Variants in ANKH observed in about 807,000 individuals in gnomAD.
ANKH encodes mineralization regulator ANKH.
Under a neutral mutation model 49.0 loss-of-function variants are expected in ANKH, and 15 were observed. The ratio of observed to expected loss-of-function variants is 0.31; its 90% CI spans 0.20 to 0.47. The LOEUF is 0.47. ANKH is among the 20% of genes least tolerant of loss of function. The pLI, the probability that ANKH is intolerant of heterozygous loss-of-function variation, is 1.00. For missense variants in ANKH, 429 were observed against 652.0 expected (o/e 0.66, Z 3.72); for synonymous variants, 273 against 260.0 (o/e 1.05, Z -0.48).
rs1579994387 is a variant in ANKH at position 14,710,732 on chromosome 5, G to C, written c.*465C>G. The C allele has an allele frequency of 5.0e-6, 1 of 201,058 alleles. No individual in the cohort carries two copies. Among genetic ancestry groups the C allele is most frequent in the Admixed American group, 5.3e-5 (1 of 18,716 alleles). The allele number at this position is 201,058 out of a possible 1,614,324, so 12.5% of individuals were successfully genotyped here. A position where few individuals can be genotyped will look rare whatever the true frequency, so the allele number is the denominator to read the frequency against. On this transcript the variant is annotated 3_prime_UTR_variant, in exon 12 of 12. Transcript: ENST00000284268. ...CACCGGGGCTCCATCTCTTTGTACG[G>C]CCATGTGACTGGGAAGCAAATCAAA...
At chr5:14,815,141 AAAGT>A (rs1320547765) in intron 1 of ANKH, among the ~76,000 whole-genome samples, 10 of 152,192 alleles carry the variant, frequency 6.6e-5, no homozygotes, top group African/African-American at 2.4e-4. Flanking sequence ...GCTTTCTAGA[AAAGT>A]AAGTGAACAT....
Position 14,737,689 on chromosome 5 carries a change from C to G in ANKH, c.1011+4138G>C, listed in dbSNP as rs540437834. 2.2e-4 allele frequency among the ~76,000 whole-genome samples: 34 copies of G among 152,364 alleles called. No individual in the cohort carries two copies. Among genetic ancestry groups the G allele is most frequent in the Non-Finnish European group, 3.8e-4 (26 of 68,028 alleles). On this transcript the variant is annotated intron_variant, in intron 8 of 11. Transcript: ENST00000284268. The surrounding 1 kb of genome is among the most constrained non-coding windows in gnomAD (Gnocchi z 5.0). Reference sequence around the variant, plus strand: ...CCACGTGAAAGCAGACCCTCTGAAGCTGTTCTTCCAAATGGCTTTATGCCA... The same window carrying G: ...CCACGTGAAAGCAGACCCTCTGAAGGTGTTCTTCCAAATGGCTTTATGCCA...
intron 1 of ANKH, among the ~76,000 whole-genome samples, chr5:14,799,838 A>G (rs1740516522): frequency 1.3e-5 from 2 of 152,202 alleles, no homozygotes; most frequent in Non-Finnish European, 2.9e-5. Context: ...CGGTCCACGG[A>G]TCAAGGAGTA....
In ANKH at chr5:14,783,235, T is replaced by C. The variant is rs1739863339; in HGVS notation, c.97-14044A>G. Among the ~76,000 whole-genome samples the C allele has an allele frequency of 1.3e-5, 2 of 151,674 alleles. 1 individual carries two copies. Among genetic ancestry groups the C allele is most frequent in the South Asian group, 4.2e-4 (2 of 4,804 alleles). Reference sequence around the variant, plus strand: ...TGTTAGGAATCAGTAACACTGCCTATAACTATCAGGACAAGAGAAGACACT... The same window carrying C: ...TGTTAGGAATCAGTAACACTGCCTACAACTATCAGGACAAGAGAAGACACT... On this transcript the variant is annotated intron_variant, in intron 1 of 11. Transcript: ENST00000284268.
At chr5:14,739,875 G>C (rs1326194569) in intron 8 of ANKH, among the ~76,000 whole-genome samples, 1 of 152,214 alleles carries the variant, frequency 6.6e-6, no homozygotes, top group East Asian at 1.9e-4. Context: ...AATTTACCCT[G>C]AGAAACTTCA....
intron 8 of ANKH, 193 bp downstream of exon 8, chr5:14,741,634 T>G (rs1382623110): frequency 6.9e-6 from 4 of 576,896 alleles, no homozygotes; most frequent in Non-Finnish European, 1.2e-5. Flanking sequence ...AGTGGGTCCT[T>G]TATTCCTAGA....
chr5:14,767,128 C>A (rs1407087947), intron 2 of ANKH, among the ~76,000 whole-genome samples: 1 of 152,112 alleles, frequency 6.6e-6, no homozygotes, highest in Non-Finnish European at 1.5e-5. Flanking sequence ...GAGCAACATC[C>A]CATCATGGAG....
chr5:14,845,426 G>C (rs1296445844), intron 1 of ANKH, among the ~76,000 whole-genome samples: 2 of 151,654 alleles, frequency 1.3e-5, no homozygotes, highest in African/African-American at 4.8e-5. Context: ...ATAAATTAAA[G>C]AAAATGGTAA....
rs113530517 is a variant in ANKH at position 14,796,858 on chromosome 5, T to C, written c.97-27667A>G. 4.0e-3 allele frequency among the ~76,000 whole-genome samples: 603 copies of C among 152,282 alleles called. 4 individuals carry two copies. Among genetic ancestry groups the C allele is most frequent in the African/African-American group, 0.014 (572 of 41,546 alleles). On this transcript the variant is annotated intron_variant, in intron 1 of 11. Coordinates refer to ENST00000284268, the MANE Select transcript of ANKH (RefSeq NM_054027.6). ...GCATAAGAAGAAAAATAATCACACA[T>C]AATATTCCCCTTTCTGTAGCTACTT... is the stretch of plus-strand genomic sequence containing the variant.
chr5:14,857,908 G>A (rs973821907), intron 1 of ANKH, among the ~76,000 whole-genome samples: 6 of 152,156 alleles, frequency 3.9e-5, no homozygotes, highest in Non-Finnish European at 8.8e-5. Context: ...GGGGTGTGGG[G>A]CCGCTCTGCA....
intron 1 of ANKH, among the ~76,000 whole-genome samples, chr5:14,839,988 T>A (rs1437992860): frequency 6.6e-6 from 1 of 152,214 alleles, no homozygotes; most frequent in Non-Finnish European, 1.5e-5. Context: ...GCTGACCTTG[T>A]CCAAGACACT....
rs1740599477 is a variant in ANKH, at chr5:14,802,688, C to T, written c.97-33497G>A. Among the ~76,000 whole-genome samples the T allele has an allele frequency of 2.0e-5, 3 of 152,034 alleles. No individual in the cohort carries two copies. The South Asian group carries it at 6.2e-4, about 32-fold the overall frequency. ...CCTTGAGAGCTACAGATTCTTCCCT[C>T]CCCCTCAGCCATCCCATTCTCCCTC... On this transcript the variant is annotated intron_variant, in intron 1 of 11. Coordinates refer to ENST00000284268, the MANE Select transcript of ANKH (RefSeq NM_054027.6).
rs1275313554 is a variant in ANKH, at chr5:14,871,528, G to T, written c.-81C>A. 5 of 905,216 alleles carry T rather than the reference G, an allele frequency of 5.5e-6. No individual in the cohort carries two copies. Among genetic ancestry groups the T allele is most frequent in the African/African-American group, 1.8e-5 (1 of 56,580 alleles). 56.1% of individuals were successfully genotyped at this position (905,216 alleles called of 1,614,324 possible). On this transcript the variant is annotated 5_prime_UTR_variant, in exon 1 of 12. Coordinates refer to ENST00000284268, the MANE Select transcript of ANKH (RefSeq NM_054027.6). ...GGGAGGCGAGGGGCGACGGGGCGAC[G>T]GGGCGAGCGGGGCGCGGGCCGACAG...
intron 3 of ANKH, among the ~76,000 whole-genome samples, chr5:14,757,570 T>C (rs113280098): frequency 0.011 from 1,665 of 151,804 alleles, 26 homozygotes; most frequent in African/African-American, 0.038. Context: ...TGGGGTGAAG[T>C]TGGTTATTAA....
Position 14,721,895 on chromosome 5 carries a change from A to C in ANKH, c.1012-5060T>G, listed in dbSNP as rs25985. On this transcript the variant is annotated intron_variant, in intron 8 of 11. Transcript: ENST00000284268. The stretch of plus-strand genomic sequence containing the variant: ...CAGTGAGCTGAGATCATGCCACTGC[A>C]CTCCAGCCTGGGCGACAGAGCGAGA... Among the ~76,000 whole-genome samples the C allele has an allele frequency of 6.1e-3, 767 of 125,710 alleles. 6 individuals carry two copies. The highest frequency in any genetic ancestry group is 5.7e-3 in the Non-Finnish European group (368 of 64,270). The allele number at this position is 125,710 out of a possible 152,430, so 82.5% of individuals were successfully genotyped here. A position where few individuals can be genotyped will look rare whatever the true frequency, so the allele number is the denominator to read the frequency against.
At chr5:14,771,835 A>G (rs1044889091) in intron 1 of ANKH, among the ~76,000 whole-genome samples, 1 of 148,824 alleles carries the variant, frequency 6.7e-6, no homozygotes, top group African/African-American at 2.5e-5. Context: ...AGTCACTTGA[A>G]CCCGGGAGGT....
intron 1 of ANKH, among the ~76,000 whole-genome samples, chr5:14,792,198 G>A (rs1450471192): frequency 2.0e-5 from 3 of 152,184 alleles, no homozygotes; most frequent in Non-Finnish European, 4.4e-5. Flanking sequence ...ATTAGGTCAG[G>A]TGTCTAGAGT....
chr5:14,735,018 C>T (rs994856681), intron 8 of ANKH, among the ~76,000 whole-genome samples: 68 of 152,102 alleles, frequency 4.5e-4, no homozygotes, highest in African/African-American at 1.6e-3. Context: ...TCTGCAAAGA[C>T]CTTGTTGAGG....
rs1263250118 is a variant in ANKH at position 14,710,275 on chromosome 5, G to GT, written c.*921dup. 6.6e-6 allele frequency: 1 copy of GT among 152,208 alleles called. No homozygotes were observed. The highest frequency in any genetic ancestry group is 2.4e-5 in the African/African-American group (1 of 41,458). 9.4% of individuals were successfully genotyped at this position (152,208 alleles called of 1,614,324 possible). On this transcript the variant is annotated 3_prime_UTR_variant, in exon 12 of 12. Transcript: ENST00000284268. The stretch of plus-strand genomic sequence containing the variant: ...ATGAGACTTAAAGCTTCAGTTCACT[G>GT]TAAAAACTAAAATGCAAAGTTAGGA...
Sources: allele counts gnomAD v4.1 joint callset (sites outside exome capture counted in the v4.1 genomes callset), GRCh38; gene constraint gnomAD v4.1.1; non-coding constraint Gnocchi (gnomAD v3.1); transcripts MANE v1.5; gene names NCBI Gene and HGNC (gene_info 2026-07-23, HGNC 2026-07-21).